DACH2: variants seen among roughly 807,000 people sequenced by gnomAD.
The protein encoded by DACH2 is dachshund family transcription factor 2, also known as dachshund homolog 2.
DACH2 carries 17 observed loss-of-function variants against 35.8 expected under a neutral mutation model. The ratio of observed to expected loss-of-function variants is 0.48; its 90% CI spans 0.33 to 0.71. DACH2 has a LOEUF of 0.71. Among genes scored for constraint, DACH2 ranks in the 30% least tolerant of loss-of-function variants. DACH2 has a pLI of 0.02. For missense variants in DACH2, 469 were observed against 472.7 expected, an observed-to-expected ratio of 0.99 and a Z score of 0.07; for synonymous variants, 195 against 177.3, an observed-to-expected ratio of 1.10 and a Z score of -0.79.
rs1001043557 is a variant in DACH2 at position 86,593,933 on chromosome X, C to A, written c.641-57103C>A. ...TTATGGAGAACTGGTATAACTTCTT[C>A]CTTAAATGTTTGGTAGAATTCACCA... On this transcript the variant is annotated intron_variant, in intron 3 of 11. Coordinates refer to ENST00000373125, the MANE Select transcript of DACH2 (RefSeq NM_053281.3). Among the ~76,000 whole-genome samples the A allele has an allele frequency of 2.7e-5, 3 of 110,996 alleles. No homozygotes were observed. The South Asian group carries it at 1.1e-3, about 42-fold the overall frequency.
At chrX:86,655,538 T>A (rs935612726) in intron 4 of DACH2, among the ~76,000 whole-genome samples, 1 of 112,199 alleles carries the variant, frequency 8.9e-6, no homozygotes, top group African/African-American at 3.2e-5. Flanking sequence ...GGCTAGTGAC[T>A]ATTTCTAAAC....
chrX:86,569,367 C>A (rs2039334551), intron 3 of DACH2, among the ~76,000 whole-genome samples: 1 of 111,295 alleles, frequency 9.0e-6, no homozygotes, highest in Non-Finnish European at 1.9e-5. Context: ...TAATTAGAAG[C>A]ACTTTCTCCA....
At position 86,769,093 on chromosome X, in the gene DACH2, G is replaced by A. The variant is rs191265361; in HGVS notation, c.1240+29211G>A. ...GATCATCTCAATATATGCAGAAAAA[G>A]AATTAGATAAAATCCAACGTCCCTT... is the stretch of plus-strand genomic sequence containing the variant. On this transcript the variant is annotated intron_variant, in intron 7 of 11. Coordinates refer to ENST00000373125, the MANE Select transcript of DACH2 (RefSeq NM_053281.3). Among the ~76,000 whole-genome samples the A allele has an allele frequency of 7.0e-3, 773 of 110,780 alleles. 4 individuals carry two copies. The highest frequency in any genetic ancestry group is 0.021 in the South Asian group (55 of 2,647).
At chrX:86,656,039 C>CA (rs373358658) in intron 4 of DACH2, among the ~76,000 whole-genome samples, 8 of 100,649 alleles carry the variant, frequency 7.9e-5, no homozygotes, top group South Asian at 9.6e-4. Context: ...TCCCCCCCCC[C>CA]ACTAATCTGT....
intron 1 of DACH2, among the ~76,000 whole-genome samples, chrX:86,223,324 C>A (rs929606122): frequency 9.0e-6 from 1 of 110,990 alleles, no homozygotes; most frequent in African/African-American, 3.3e-5. Flanking sequence ...ATGCTGCTTC[C>A]TTTTACATCA....
Position 86,552,719 on chromosome X carries a change from T to A in DACH2, c.640+38328T>A, listed in dbSNP as rs373339111. 2.6e-4 allele frequency among the ~76,000 whole-genome samples: 29 copies of A among 111,806 alleles called. No individual in the cohort carries two copies. In the East Asian group the frequency reaches 2.8e-3, roughly 11 times the overall value. On this transcript the variant is annotated intron_variant, in intron 3 of 11. Coordinates refer to ENST00000373125, the MANE Select transcript of DACH2 (RefSeq NM_053281.3). ...AGCAAGATTTGTTACACATAGAACCTAGAGCCAATGTGAATCTAATTTAAT... is the reference window on the plus strand; with the variant it reads ...AGCAAGATTTGTTACACATAGAACCAAGAGCCAATGTGAATCTAATTTAAT...
intron 2 of DACH2, among the ~76,000 whole-genome samples, chrX:86,500,580 C>A (rs1319990842): frequency 8.9e-6 from 1 of 111,788 alleles, no homozygotes; most frequent in Non-Finnish European, 1.9e-5. Flanking sequence ...ATCTTGTATT[C>A]ATTGCAATTT....
intron 2 of DACH2, among the ~76,000 whole-genome samples, chrX:86,504,525 C>T (rs941830766): frequency 1.9e-5 from 2 of 106,704 alleles, no homozygotes; most frequent in African/African-American, 3.4e-5. Context: ...TTAAAATTTC[C>T]GTAAAATACA....
intron 7 of DACH2, among the ~76,000 whole-genome samples, chrX:86,797,565 A>G (rs2042251432): frequency 9.0e-6 from 1 of 111,695 alleles, no homozygotes; most frequent in Non-Finnish European, 1.9e-5. Context: ...AATATTTGTA[A>G]CAATAGTAAG....
At chrX:86,571,064 C>A (rs1434295684) in intron 3 of DACH2, among the ~76,000 whole-genome samples, 1 of 110,960 alleles carries the variant, frequency 9.0e-6, no homozygotes, top group East Asian at 2.8e-4. Context: ...GAAGTTTTAT[C>A]ATTTTTGCTT....
intron 1 of DACH2, among the ~76,000 whole-genome samples, chrX:86,334,412 C>T (rs1300458348): frequency 8.9e-6 from 1 of 111,987 alleles, no homozygotes; most frequent in Non-Finnish European, 1.9e-5. Flanking sequence ...ACATCCTCTC[C>T]AGCATCTGTT....
chrX:86,174,067 G>C (rs775661305), intron 1 of DACH2, among the ~76,000 whole-genome samples: 2 of 110,083 alleles, frequency 1.8e-5, no homozygotes, highest in Non-Finnish European at 3.8e-5. Context: ...ATTTAGTTGG[G>C]GGGGAAGGTG....
intron 11 of DACH2, among the ~76,000 whole-genome samples, chrX:86,820,800 C>T (rs2042504193): frequency 9.1e-6 from 1 of 110,251 alleles, no homozygotes; most frequent in Admixed American, 9.8e-5. Context: ...AGTGTCTATC[C>T]TTCCTTGACC....
intron 2 of DACH2, among the ~76,000 whole-genome samples, chrX:86,463,668 G>A (rs1471773268): frequency 3.6e-5 from 4 of 111,417 alleles, no homozygotes; most frequent in Admixed American, 1.9e-4. Context: ...AGCCAAAATT[G>A]ACAAATAGGA....
chrX:86,566,002 C>T (rs1249579322), intron 3 of DACH2, among the ~76,000 whole-genome samples: 1 of 111,627 alleles, frequency 9.0e-6, no homozygotes, highest in Non-Finnish European at 1.9e-5. Flanking sequence ...ATAATTATTT[C>T]TCTTTTTAAA....
At chrX:86,284,414 A>T (rs192433722) in intron 1 of DACH2, among the ~76,000 whole-genome samples, 1 of 111,738 alleles carries the variant, frequency 8.9e-6, no homozygotes. Context: ...ATGTTGAACC[A>T]TCCTAGTATC....
chrX:86,342,929 A>G (rs1310551173), intron 1 of DACH2, among the ~76,000 whole-genome samples: 1 of 112,168 alleles, frequency 8.9e-6, no homozygotes, highest in Non-Finnish European at 1.9e-5. Flanking sequence ...CAAAAGGATT[A>G]GGACTTGCCA....
intron 3 of DACH2, among the ~76,000 whole-genome samples, chrX:86,609,010 T>G (rs1024347535): frequency 9.0e-6 from 1 of 111,474 alleles, no homozygotes; most frequent in Non-Finnish European, 1.9e-5. Context: ...ACTGATAACT[T>G]TCTTTTGGTT....
intron 11 of DACH2, among the ~76,000 whole-genome samples, chrX:86,827,066 G>A (rs2042569002): frequency 8.9e-6 from 1 of 112,230 alleles, no homozygotes; most frequent in African/African-American, 3.2e-5. Context: ...TAAACAACTG[G>A]TGAGGAGACA....
Sources: allele counts gnomAD v4.1 joint callset (sites outside exome capture counted in the v4.1 genomes callset), GRCh38; gene constraint gnomAD v4.1.1; transcripts MANE v1.5; gene names NCBI Gene and HGNC (gene_info 2026-07-23, HGNC 2026-07-21).